The following DAB1 variants were observed in gnomAD, a reference collection of about 807,000 sequenced individuals.
DAB1 encodes the protein disabled homolog 1.
A neutral mutation model predicts 64.6 loss-of-function variants in DAB1; 15 were observed. The observed-to-expected ratio is 0.23, with a 90% CI of 0.16 to 0.36. The LOEUF is 0.36. Ranked by LOEUF, DAB1 falls within the 10% of genes least tolerant of loss-of-function variation. The probability of loss-of-function intolerance (pLI) is 1.00; values close to 1 mark genes in which losing one functional copy is unlikely to be tolerated. For missense variants in DAB1, 596 were observed against 706.7 expected (o/e 0.84, Z 1.78); for synonymous variants, 235 against 251.9 (o/e 0.93, Z 0.64).
At chr1:57,734,186 T>C (rs927714611) in intron 6 of DAB1, among the ~76,000 whole-genome samples, 20 of 152,342 alleles carry the variant, frequency 1.3e-4, no homozygotes, top group African/African-American at 4.8e-4. Context: ...TTGCCATTCA[T>C]GGTGTGCCCT....
chr1:57,775,446 C>G (rs140894589), intron 6 of DAB1, among the ~76,000 whole-genome samples: 1 of 151,602 alleles, frequency 6.6e-6, no homozygotes, highest in Non-Finnish European at 1.5e-5. Context: ...CTGCATCCCA[C>G]AAAGCTGATA....
chr1:57,356,482 G>A (rs1679111549), intron 1 of DAB1, among the ~76,000 whole-genome samples: 1 of 151,978 alleles, frequency 6.6e-6, no homozygotes, highest in African/African-American at 2.4e-5. Context: ...CACTCCTTGG[G>A]AAGCTCCTGA....
intron 4 of DAB1, among the ~76,000 whole-genome samples, chr1:58,213,205 C>G (rs1349731661): frequency 6.6e-6 from 1 of 152,120 alleles, no homozygotes; most frequent in Non-Finnish European, 1.5e-5. Context: ...GCAACTGATT[C>G]TTTTGTTGGC....
intron 4 of DAB1, among the ~76,000 whole-genome samples, chr1:58,221,508 G>A (rs1185613497): frequency 2.0e-5 from 3 of 152,218 alleles, no homozygotes; most frequent in East Asian, 1.9e-4. Context: ...CATAGCCTCC[G>A]GGGCAGAAAA....
rs565570929 is a variant in DAB1 at position 58,231,560 on chromosome 1, G to T, written n.310-80972C>A. Among the ~76,000 whole-genome samples, 4 of 152,318 alleles carry T rather than the reference G, an allele frequency of 2.6e-5. No homozygotes were observed. In the East Asian group the frequency reaches 7.7e-4, roughly 29 times the overall value. On this transcript the variant is annotated intron_variant and non_coding_transcript_variant, in intron 4 of 20. Transcript: ENST00000485760. Reference sequence around the variant, plus strand: ...ACATGCTGATGGACAGGCCACTAAGGTATGAGGACAGGAGTGCTAGACAAA... The same window carrying T: ...ACATGCTGATGGACAGGCCACTAAGTTATGAGGACAGGAGTGCTAGACAAA...
At chr1:57,598,496 CA>C (rs1645537532) in intron 7 of DAB1, among the ~76,000 whole-genome samples, 1 of 152,202 alleles carries the variant, frequency 6.6e-6, no homozygotes, top group Non-Finnish European at 1.5e-5. Flanking sequence ...AAGCTCTTAG[CA>C]TAGTCTCTGG....
At chr1:57,792,455 A>T (rs1650649747) in intron 6 of DAB1, among the ~76,000 whole-genome samples, 1 of 152,050 alleles carries the variant, frequency 6.6e-6, no homozygotes, top group East Asian at 1.9e-4. Flanking sequence ...AGATCCTAAG[A>T]CTCTATGTGC....
At chr1:57,858,151 C>T (rs1174496741) in intron 1 of DAB1, among the ~76,000 whole-genome samples, 3 of 152,192 alleles carry the variant, frequency 2.0e-5, no homozygotes, top group Non-Finnish European at 4.4e-5. Flanking sequence ...AGATCTACCA[C>T]TGTCTCACCC....
intron 1 of DAB1, among the ~76,000 whole-genome samples, chr1:57,318,709 T>C (rs930699788): frequency 6.9e-6 from 1 of 144,626 alleles, no homozygotes; most frequent in African/African-American, 2.6e-5. Flanking sequence ...AACTTTCAAC[T>C]TTTTGTTTAC....
intron 5 of DAB1, among the ~76,000 whole-genome samples, chr1:57,931,659 G>A (rs774670094): frequency 3.9e-5 from 6 of 152,114 alleles, no homozygotes; most frequent in East Asian, 1.9e-4. Flanking sequence ...GTATTCTGTT[G>A]TTATCCTTTT....
chr1:57,164,684 A>G (rs1661066488), intron 2 of DAB1, among the ~76,000 whole-genome samples: 1 of 152,114 alleles, frequency 6.6e-6, no homozygotes, highest in Non-Finnish European at 1.5e-5. Context: ...TCTTATGAAA[A>G]GGCAAAGAGA....
chr1:57,151,908 G>A lies in DAB1; in HGVS notation c.68-6479C>T, dbSNP rs1056199766. On this transcript the variant is annotated intron_variant, in intron 2 of 14. Transcript: ENST00000371236. ...TGCTCACTGCAACCTCCACCTCCCA[G>A]GTTCAAGCGATTCTCCCGCCTCAGC... Among the ~76,000 whole-genome samples, 11 of 147,452 alleles carry A rather than the reference G, an allele frequency of 7.5e-5. No homozygotes were observed. The East Asian group carries it at 1.2e-3, about 16-fold the overall frequency.
intron 6 of DAB1, among the ~76,000 whole-genome samples, chr1:57,796,545 A>G (rs1362955601): frequency 1.4e-5 from 2 of 142,584 alleles, no homozygotes; most frequent in South Asian, 4.2e-4. Context: ...CAATGATAAT[A>G]ATAATAATAA....
intron 4 of DAB1, among the ~76,000 whole-genome samples, chr1:58,254,443 G>A (rs1174798539): frequency 1.3e-4 from 18 of 139,150 alleles, no homozygotes; most frequent in Admixed American, 6.5e-4. Flanking sequence ...TGCACATTGT[G>A]CAGGTTAGTT....
intron 5 of DAB1, among the ~76,000 whole-genome samples, chr1:57,978,392 T>C (rs1357583286): frequency 2.0e-5 from 3 of 152,126 alleles, no homozygotes; most frequent in African/African-American, 7.2e-5. Flanking sequence ...GACCCCTTCC[T>C]TACACCTTAT....
intron 5 of DAB1, among the ~76,000 whole-genome samples, chr1:58,059,612 G>A (rs1648363546): frequency 6.6e-6 from 1 of 152,166 alleles, no homozygotes; most frequent in Non-Finnish European, 1.5e-5. Context: ...AGGAACTATG[G>A]GGGCTACAAA....
intron 1 of DAB1, among the ~76,000 whole-genome samples, chr1:57,293,172 G>A (rs997517142): frequency 2.4e-4 from 36 of 152,022 alleles, no homozygotes; most frequent in African/African-American, 8.7e-4. Flanking sequence ...CATCTTCCCA[G>A]TTTTTCCTTG....
intron 6 of DAB1, among the ~76,000 whole-genome samples, chr1:57,664,649 G>T (rs1646425909): frequency 6.6e-6 from 1 of 152,042 alleles, no homozygotes; most frequent in Non-Finnish European, 1.5e-5. Context: ...TGTGTCCAAA[G>T]ATTCACCATA....
chr1:57,276,485 ATAT>A (rs1284077077), intron 2 of DAB1, among the ~76,000 whole-genome samples: 4 of 152,264 alleles, frequency 2.6e-5, no homozygotes, highest in African/African-American at 9.6e-5. Flanking sequence ...TAGTGAACAC[ATAT>A]TATGCACCTG....
Sources: gnomAD v4.1 joint callset for allele counts (sites outside exome capture counted in the v4.1 genomes callset) on GRCh38, gnomAD v4.1.1 for gene constraint, MANE v1.5 for transcripts, NCBI Gene and HGNC (gene_info 2026-07-23, HGNC 2026-07-21) for gene names.